The following PLEKHA2 variants were observed in gnomAD, a reference collection of about 807,000 sequenced individuals.
The protein encoded by PLEKHA2 is pleckstrin homology domain containing A2.
Under a neutral mutation model 53.2 loss-of-function variants are expected in PLEKHA2, and 28 were observed. The observed-to-expected ratio is 0.53, with a 90% CI of 0.39 to 0.72. PLEKHA2 has a LOEUF of 0.72. Among genes scored for constraint, PLEKHA2 ranks in the 30% least tolerant of loss-of-function variants. The pLI is 0.00. For missense variants in PLEKHA2, 426 were observed against 537.9 expected (o/e 0.79, Z 2.06); for synonymous variants, 193 against 196.4 (o/e 0.98, Z 0.14).
intron 1 of PLEKHA2, among the ~76,000 whole-genome samples, chr8:38,906,762 T>C (rs968769731): frequency 1.3e-5 from 2 of 152,232 alleles, no homozygotes; most frequent in Non-Finnish European, 2.9e-5. Context: ...CAAATAGCCA[T>C]GCTTGCATTT....
intron 10 of PLEKHA2, among the ~76,000 whole-genome samples, chr8:38,960,226 G>A (rs183929341): frequency 6.6e-6 from 1 of 152,282 alleles, no homozygotes; most frequent in East Asian, 1.9e-4. Flanking sequence ...CGAGAGGGAG[G>A]ACAAATCTGT....
rs1835298255 is a variant in PLEKHA2, at chr8:38,973,858, T to C, written c.*4075T>C. The C allele has an allele frequency of 4.2e-6, 1 of 239,886 alleles. No homozygotes were observed. Among genetic ancestry groups the C allele is most frequent in the African/African-American group, 2.4e-5 (1 of 42,522 alleles). The allele number at this position is 239,886 out of a possible 1,614,324, so 14.9% of individuals were successfully genotyped here. Reference sequence around the variant, plus strand: ...CTCCTAATTGGTATGTAGCAAAAATTTTCTAAAACTGTTTTGTGGCTTGTT... The same window carrying C: ...CTCCTAATTGGTATGTAGCAAAAATCTTCTAAAACTGTTTTGTGGCTTGTT... On this transcript the variant is annotated 3_prime_UTR_variant, in exon 12 of 12. Transcript: ENST00000617275.
At chr8:38,920,371 G>A (rs1342238021) in intron 2 of PLEKHA2, among the ~76,000 whole-genome samples, 1 of 151,972 alleles carries the variant, frequency 6.6e-6, no homozygotes, top group South Asian at 2.1e-4. Flanking sequence ...AGCCAGGATG[G>A]TCTCAAGCTC....
chr8:38,915,886 G>A (rs1229761329), intron 1 of PLEKHA2, among the ~76,000 whole-genome samples: 1 of 152,154 alleles, frequency 6.6e-6, no homozygotes, highest in African/African-American at 2.4e-5. Context: ...TGGGGTACAT[G>A]AGGCTTGCAG....
intron 10 of PLEKHA2, among the ~76,000 whole-genome samples, chr8:38,967,323 G>A (rs956238452): frequency 1.3e-5 from 2 of 152,108 alleles, no homozygotes; most frequent in African/African-American, 2.4e-5. Flanking sequence ...AGGTTTGGGG[G>A]CACATGTGAA....
intron 6 of PLEKHA2, among the ~76,000 whole-genome samples, chr8:38,951,457 A>G (rs961956643): frequency 7.6e-6 from 1 of 132,290 alleles, no homozygotes; most frequent in Non-Finnish European, 1.6e-5. Flanking sequence ...TTAATTATTT[A>G]TATTTATTTA....
At chr8:38,908,015 C>G (rs1464350846) in intron 1 of PLEKHA2, among the ~76,000 whole-genome samples, 4 of 152,078 alleles carry the variant, frequency 2.6e-5, no homozygotes, top group Admixed American at 2.6e-4. Flanking sequence ...ACCACCTCAC[C>G]TGACACTTAT....
At position 38,950,989 on chromosome 8, in the gene PLEKHA2, A is replaced by G. The variant is rs1834825293; in HGVS notation, c.485A>G (p.Gln162Arg). ...GTGGTGGTCCACACACCCATCAGCC[A>G]GGTGAGGGGCCTGACTGGGGCTGCG... ...GGVVVHTPISQNGGDGQEGSE... is the reference protein window; with the variant it reads ...GGVVVHTPISRNGGDGQEGSE... Residue 162 changes from glutamine to arginine, a missense_variant and splice_region_variant, in exon 6 of 12, where the codon CAG (glutamine) becomes CGG (arginine). Transcript: ENST00000617275. 1 of 1,562,274 alleles carries G rather than the reference A, an allele frequency of 6.4e-7. No individual in the cohort carries two copies. Among genetic ancestry groups the G allele is most frequent in the Non-Finnish European group, 8.7e-7 (1 of 1,151,076 alleles).
chr8:38,907,818 TTATGTATGTATG>T (rs79770085), intron 1 of PLEKHA2, among the ~76,000 whole-genome samples: 16,991 of 147,190 alleles, frequency 0.12, 1,197 homozygotes, highest in South Asian at 0.22. Flanking sequence ...GCCACTTATT[TTATGTATGTATG>T]TATGTATGTA....
chr8:38,969,484 C>T lies in PLEKHA2; in HGVS notation c.979C>T (p.Pro327Ser). The change falls in exon 12 of 12, where the codon CCC (proline) becomes TCC (serine). Residue 327 changes from proline to serine, a missense_variant. By Grantham distance (74) the Pro-to-Ser change is moderately conservative. Transcript: ENST00000617275. ...RPGSSSLSSG[P>S]NSILCRGRPP... ...TGGAAGCTCCAGCCTTTCAAGTGGG[C>T]CCAACTCTATCCTGTGCAGGGGGCG... The T allele has an allele frequency of 6.2e-7, 1 of 1,613,874 alleles. No homozygotes were observed. Among genetic ancestry groups the T allele is most frequent in the Non-Finnish European group, 8.5e-7 (1 of 1,179,844 alleles).
chr8:38,950,773 A>G, intron 5 of PLEKHA2, 77 bp from the exon 6 acceptor site: 2 of 1,532,642 alleles, frequency 1.3e-6, no homozygotes, highest in Non-Finnish European at 1.8e-6. Context: ...TTCTCACGGC[A>G]GCCCCATTCT....
intron 3 of PLEKHA2, among the ~76,000 whole-genome samples, chr8:38,938,813 C>G (rs1320797280): frequency 6.6e-6 from 1 of 152,224 alleles, no homozygotes; most frequent in Non-Finnish European, 1.5e-5. Context: ...GTGACCTCAC[C>G]CGCCTGCAGC....
Position 38,922,393 on chromosome 8 carries a change from G to A in PLEKHA2, c.141+4323G>A, listed in dbSNP as rs891863931. Among the ~76,000 whole-genome samples, 1 of 152,202 alleles carries A rather than the reference G, an allele frequency of 6.6e-6. No individual in the cohort carries two copies. The highest frequency in any genetic ancestry group is 1.5e-5 in the Non-Finnish European group (1 of 68,030). ...AGAGGGCCAGGGAAGGAAGTGGTCAGAAGTCAGGTCACTGGGGAATGTGGA... is the reference window on the plus strand; with the variant it reads ...AGAGGGCCAGGGAAGGAAGTGGTCAAAAGTCAGGTCACTGGGGAATGTGGA... On this transcript the variant is annotated intron_variant, in intron 2 of 11. Coordinates refer to ENST00000617275, the MANE Select transcript of PLEKHA2 (RefSeq NM_021623.2). This position sits in a 1 kb window ranked among gnomAD's most constrained non-coding sequence, Gnocchi z 4.0.
intron 9 of PLEKHA2, among the ~76,000 whole-genome samples, chr8:38,956,608 T>C (rs1194009466): frequency 1.3e-5 from 2 of 152,174 alleles, no homozygotes; most frequent in African/African-American, 2.4e-5. Flanking sequence ...AAGACCAGCC[T>C]GAGCAACATG....
chr8:38,954,803 C>T (rs191408965), intron 9 of PLEKHA2, among the ~76,000 whole-genome samples: 7 of 152,212 alleles, frequency 4.6e-5, no homozygotes, highest in Admixed American at 1.3e-4. Flanking sequence ...GAGGCCGAGG[C>T]GGGCGGATCA....
intron 10 of PLEKHA2, among the ~76,000 whole-genome samples, chr8:38,965,473 T>C (rs929413743): frequency 2.0e-5 from 3 of 152,112 alleles, no homozygotes; most frequent in African/African-American, 7.2e-5. Flanking sequence ...AAATGTCAGA[T>C]CTCCTATGTG....
intron 1 of PLEKHA2, among the ~76,000 whole-genome samples, chr8:38,909,003 C>T (rs918129470): frequency 5.3e-5 from 8 of 152,002 alleles, no homozygotes; most frequent in East Asian, 3.9e-4. Context: ...ATCAGCTGGG[C>T]GTGGTGGTGC....
intron 1 of PLEKHA2, among the ~76,000 whole-genome samples, chr8:38,915,237 C>T (rs538245324): frequency 9.8e-5 from 15 of 152,358 alleles, no homozygotes; most frequent in Admixed American, 7.8e-4. Context: ...TGAGCCACTG[C>T]ACCCAGCCTG....
At position 38,943,832 on chromosome 8, in the gene PLEKHA2, G is replaced by T. The variant is rs772981890; in HGVS notation, c.242G>T (p.Cys81Phe). ...TPKQKPKTPF[C>F]FVINALSQRY... is the part of the protein sequence containing the mutation. ...AAACAGAAACCAAAAACTCCATTTT[G>T]CTTTGGTAAGTACTGAGCCAGGGGA... The change falls in exon 4 of 12, where the codon TGC becomes TTC. Residue 81 changes from cysteine to phenylalanine, a missense_variant. By Grantham distance (205) the Cys-to-Phe change is radical. Coordinates refer to ENST00000617275, the MANE Select transcript of PLEKHA2 (RefSeq NM_021623.2). 3.8e-6 allele frequency: 6 copies of T among 1,583,026 alleles called. No individual in the cohort carries two copies. The Admixed American group carries it at 1.1e-4, about 29-fold the overall frequency.
Sources: gnomAD v4.1 joint callset for allele counts (sites outside exome capture counted in the v4.1 genomes callset) on GRCh38, gnomAD v4.1.1 for gene constraint, Gnocchi (gnomAD v3.1) non-coding constraint, MANE v1.5 for transcripts, NCBI Gene and HGNC (gene_info 2026-07-23, HGNC 2026-07-21) for gene names.